The following TRDN variants were observed in gnomAD, a reference collection of about 807,000 sequenced individuals.
The protein encoded by TRDN is triadin.
Under a neutral mutation model 149.7 loss-of-function variants are expected in TRDN, and 161 were observed. The observed-to-expected ratio is 1.08, with a 90% CI of 0.95 to 1.23. The LOEUF (loss-of-function observed/expected upper bound fraction) is 1.23. Among genes scored for constraint, TRDN ranks in the 50% most tolerant of loss-of-function variants. The pLI, the probability that TRDN is intolerant of heterozygous loss-of-function variation, is 0.00. For missense variants in TRDN, 896 were observed against 823.5 expected (o/e 1.09, Z -1.08); for synonymous variants, 294 against 250.5 (o/e 1.17, Z -1.64).
intron 12 of TRDN, among the ~76,000 whole-genome samples, chr6:123,426,269 A>T (rs1361654805): frequency 6.6e-6 from 1 of 152,162 alleles, no homozygotes; most frequent in Non-Finnish European, 1.5e-5. Context: ...ATAGAGAAGA[A>T]GGGTAAAAAG....
intron 5 of TRDN, among the ~76,000 whole-genome samples, chr6:123,526,181 A>G (rs960979456): frequency 1.3e-5 from 2 of 152,068 alleles, no homozygotes; most frequent in Non-Finnish European, 2.9e-5. Context: ...CATACAGTCT[A>G]TGCATCTTTA....
rs1249458779 is a variant in TRDN, at chr6:123,266,402, T to C, written c.1784-1064A>G. On this transcript the variant is annotated intron_variant, in intron 32 of 40. Transcript: ENST00000334268. ...ATAATATATATATTATGATATGTAT[T>C]ATATATAATATATAGATTATGATAT... Among the ~76,000 whole-genome samples, 22 of 105,602 alleles carry C rather than the reference T, an allele frequency of 2.1e-4. 7 individuals are homozygous for C. Among genetic ancestry groups the C allele is most frequent in the Non-Finnish European group, 3.7e-4 (22 of 59,918 alleles). The allele number at this position is 105,602 out of a possible 152,430, so 69.3% of individuals were successfully genotyped here. A position where few individuals can be genotyped will look rare whatever the true frequency, so the allele number is the denominator to read the frequency against.
intron 21 of TRDN, among the ~76,000 whole-genome samples, chr6:123,346,645 G>A (rs1780256559): frequency 6.6e-6 from 1 of 151,948 alleles, no homozygotes; most frequent in South Asian, 2.1e-4. Context: ...AGGACCCCTA[G>A]AATCCTTTCT....
chr6:123,471,196 G>A (rs569104718), intron 9 of TRDN: 1 of 152,256 alleles, frequency 6.6e-6, no homozygotes, highest in South Asian at 2.1e-4. Flanking sequence ...AATTTGATGT[G>A]GCAAGTGAGA....
At chr6:123,585,197 A>G (rs146899747) in intron 1 of TRDN, among the ~76,000 whole-genome samples, 41,848 of 146,400 alleles carry the variant, frequency 0.29, 6,662 homozygotes, top group East Asian at 0.53. Flanking sequence ...GAAGAAGGGC[A>G]GCAATGAGAT....
intron 1 of TRDN, among the ~76,000 whole-genome samples, chr6:123,609,360 A>G (rs1784680400): frequency 6.6e-6 from 1 of 152,128 alleles, no homozygotes; most frequent in African/African-American, 2.4e-5. Flanking sequence ...GCATAACCCC[A>G]TTTTTGTAAA....
intron 16 of TRDN, 51 bp downstream of exon 16, chr6:123,381,319 T>A (rs1382739995): frequency 4.0e-6 from 6 of 1,513,380 alleles, no homozygotes; most frequent in Non-Finnish European, 5.4e-6. Context: ...AGCAGGCAAA[T>A]AATAGTAGTA....
In TRDN at chr6:123,382,145, A is replaced by C. The variant is rs1781747067; in HGVS notation, c.1138T>G (p.Ser380Ala). Residue 380 changes from serine (S) to alanine (A), a missense_variant and splice_region_variant, in exon 15 of 41, where the codon TCC (serine) becomes GCC (alanine). Physicochemically the swap from Ser to Ala is moderately conservative, Grantham distance 99. Coordinates refer to ENST00000334268, the MANE Select transcript of TRDN (RefSeq NM_006073.4). The stretch of plus-strand genomic sequence containing the variant: ...TCTGCAGGTTTTTTTGTTTTCTTGG[A>C]ATCTGAAAACACAAAGATAAATTAT... ...AAKKDEKKED[S>A]KKTKKPAEVE... 1 of 1,501,702 alleles carries C rather than the reference A, an allele frequency of 6.7e-7. No homozygotes were observed. The highest frequency in any genetic ancestry group is 1.4e-5 in the African/African-American group (1 of 69,826). 93.0% of individuals were successfully genotyped at this position (1,501,702 alleles called of 1,614,324 possible).
chr6:123,287,566 A>G (rs934004262), intron 24 of TRDN, among the ~76,000 whole-genome samples: 14 of 152,130 alleles, frequency 9.2e-5, no homozygotes, highest in Admixed American at 5.3e-4. Flanking sequence ...GTAATTGTAT[A>G]TATTATGTTT....
rs142928710 is a variant in TRDN at position 123,395,876 on chromosome 6, G to A, written c.1052-2199C>T. 3.0e-3 allele frequency among the ~76,000 whole-genome samples: 452 copies of A among 152,190 alleles called. 2 individuals carry two copies. The highest frequency in any genetic ancestry group is 0.014 in the Middle Eastern group (4 of 294). ...TTGCAGTTGCACGAACCTCAATTGC[G>A]TTTTCACCCGTCTAAAATATTAGTT... On this transcript the variant is annotated intron_variant, in intron 12 of 40. Transcript: ENST00000334268.
chr6:123,604,407 T>G (rs1335582765), intron 1 of TRDN, among the ~76,000 whole-genome samples: 1 of 152,128 alleles, frequency 6.6e-6, no homozygotes, highest in Non-Finnish European at 1.5e-5. Context: ...GATAAAGAGA[T>G]AGGTAGGCAG....
chr6:123,424,865 C>G (rs1373902929), intron 12 of TRDN, among the ~76,000 whole-genome samples: 3 of 152,058 alleles, frequency 2.0e-5, no homozygotes, highest in African/African-American at 7.2e-5. Context: ...ATCCATCAAC[C>G]TGGGTGCCTA....
intron 14 of TRDN, among the ~76,000 whole-genome samples, chr6:123,383,210 G>A (rs1015454920): frequency 2.6e-5 from 4 of 151,970 alleles, no homozygotes; most frequent in African/African-American, 9.7e-5. Flanking sequence ...TATGACAATG[G>A]ACTCATTGTC....
chr6:123,565,360 G>C (rs1471004270), intron 2 of TRDN, among the ~76,000 whole-genome samples: 1 of 152,140 alleles, frequency 6.6e-6, no homozygotes, highest in Non-Finnish European at 1.5e-5. Context: ...TTTGAGGAGA[G>C]AACTAAAGTC....
chr6:123,356,514 T>C (rs1348471475), intron 20 of TRDN, among the ~76,000 whole-genome samples: 1 of 14,494 alleles, frequency 6.9e-5, no homozygotes, highest in Non-Finnish European at 1.4e-4. Flanking sequence ...TATATATATA[T>C]ATATATATAT....
intron 24 of TRDN, among the ~76,000 whole-genome samples, chr6:123,281,993 T>C (rs1002725196): frequency 3.3e-5 from 5 of 151,978 alleles, no homozygotes; most frequent in Non-Finnish European, 5.9e-5. Context: ...ATAATTAAGT[T>C]AAGATGAGAT....
intron 12 of TRDN, 108 bp downstream of exon 12, chr6:123,437,955 G>T (rs183702928): frequency 2.1e-6 from 2 of 952,608 alleles, no homozygotes; most frequent in East Asian, 2.7e-5. Flanking sequence ...TCACGTCTTG[G>T]GTAGATATAA....
At chr6:123,612,452 A>C (rs1485955656) in intron 1 of TRDN, among the ~76,000 whole-genome samples, 4 of 150,152 alleles carry the variant, frequency 2.7e-5, no homozygotes, top group Non-Finnish European at 5.9e-5. Context: ...CAGCAATCCA[A>C]AAAAAAAAAT....
chr6:123,405,277 AC>A (rs946776369), intron 12 of TRDN, among the ~76,000 whole-genome samples: 18 of 152,340 alleles, frequency 1.2e-4, no homozygotes, highest in African/African-American at 4.1e-4. Flanking sequence ...GTACAAAAAA[AC>A]AATTTCCCAC....
Sources: gnomAD v4.1 joint callset for allele counts (sites outside exome capture counted in the v4.1 genomes callset) on GRCh38, gnomAD v4.1.1 for gene constraint, MANE v1.5 for transcripts, NCBI Gene and HGNC (gene_info 2026-07-23, HGNC 2026-07-21) for gene names.